CUX2: variants seen among roughly 807,000 people sequenced by gnomAD.
CUX2 encodes cut like homeobox 2.
Under a neutral mutation model 144.8 loss-of-function variants are expected in CUX2, and 40 were observed. That is an observed-to-expected ratio of 0.28 (90% confidence interval 0.21 to 0.36). The LOEUF is 0.36. CUX2 is among the 10% of genes least tolerant of loss of function. The probability of loss-of-function intolerance (pLI) is 1.00; values close to 1 mark genes in which losing one functional copy is unlikely to be tolerated. For missense variants in CUX2, 1,615 were observed against 1,994.0 expected, an observed-to-expected ratio of 0.81 and a Z score of 3.62; for synonymous variants, 827 against 875.6, an observed-to-expected ratio of 0.94 and a Z score of 0.98.
intron 20 of CUX2, 67 bp downstream of exon 20, chr12:111,338,541 T>C: frequency 6.8e-7 from 1 of 1,474,652 alleles, no homozygotes; most frequent in Non-Finnish European, 9.2e-7. Flanking sequence ...CATATCTAGC[T>C]GTAACCCACA....
At chr12:111,332,385 G>T (rs1888160722) in intron 18 of CUX2, among the ~76,000 whole-genome samples, 1 of 151,886 alleles carries the variant, frequency 6.6e-6, no homozygotes, top group African/African-American at 2.4e-5. Context: ...CTCCCACCTT[G>T]GCCTCCCAAA....
At chr12:111,334,856 GC>G in intron 19 of CUX2, 146 bp downstream of exon 19, 1 of 910,524 alleles carries the variant, frequency 1.1e-6, no homozygotes, top group Non-Finnish European at 1.6e-6. Flanking sequence ...ATCGCTTGAG[GC>G]CAGGAGTTTG....
intron 1 of CUX2, among the ~76,000 whole-genome samples, chr12:111,047,167 G>A (rs1870037721): frequency 6.6e-6 from 1 of 152,238 alleles, no homozygotes; most frequent in South Asian, 2.1e-4. Flanking sequence ...GGCGCGCCCT[G>A]TCGTCCGGCC....
intron 4 of CUX2, among the ~76,000 whole-genome samples, chr12:111,286,309 A>G (rs1347767508): frequency 1.3e-5 from 2 of 152,200 alleles, no homozygotes; most frequent in East Asian, 3.9e-4. Context: ...CACCCTACAC[A>G]TGCACCCCCA....
chr12:111,216,228 A>G (rs1289123644), intron 2 of CUX2, among the ~76,000 whole-genome samples: 1 of 152,228 alleles, frequency 6.6e-6, no homozygotes, highest in Non-Finnish European at 1.5e-5. Flanking sequence ...TGGGGAGTCC[A>G]GTGACCTGGG....
chr12:111,124,692 C>G (rs770423716), intron 1 of CUX2, among the ~76,000 whole-genome samples: 1 of 152,048 alleles, frequency 6.6e-6, no homozygotes, highest in Non-Finnish European at 1.5e-5. Context: ...GGTTTGTTAC[C>G]TGCTTATCTT....
rs569911014 is a variant in CUX2 at position 111,293,301 on chromosome 12, G to A, written c.437-145G>A. 9.9e-5 allele frequency: 123 copies of A among 1,243,206 alleles called. No homozygotes were observed. The highest frequency in any genetic ancestry group is 1.1e-4 in the Non-Finnish European group (106 of 922,998). The allele number at this position is 1,243,206 out of a possible 1,614,324, so 77.0% of individuals were successfully genotyped here. A position where few individuals can be genotyped will look rare whatever the true frequency, so the allele number is the denominator to read the frequency against. On this transcript the variant is annotated intron_variant, in intron 5 of 21. Transcript: ENST00000261726. The surrounding 1 kb of genome is among the most constrained non-coding windows in gnomAD (Gnocchi z 4.5). The stretch of plus-strand genomic sequence containing the variant: ...CCTGTGTGCTGAGGACATGCGGCCC[G>A]CAGGGCCCCACAGCTGCGCTCTCTC...
chr12:111,055,272 ATGTCAGAGTCCCAGAGGCCACCG>A (rs1414854888), intron 1 of CUX2, among the ~76,000 whole-genome samples: 1 of 152,208 alleles, frequency 6.6e-6, no homozygotes, highest in Non-Finnish European at 1.5e-5. Context: ...AGCATCAGGG[ATGTCAGAGTCCCAGAGGCCACCG>A]TCAGAGCTGG....
At chr12:111,275,746 C>T (rs1884843036) in intron 4 of CUX2, among the ~76,000 whole-genome samples, 2 of 152,160 alleles carry the variant, frequency 1.3e-5, no homozygotes, top group Non-Finnish European at 1.5e-5. Flanking sequence ...GAACACATTG[C>T]AGGATGTGCG....
chr12:111,121,114 A>C (rs868292583), intron 1 of CUX2, among the ~76,000 whole-genome samples: 3,394 of 151,566 alleles, frequency 0.022, 128 homozygotes, highest in African/African-American at 0.078. Context: ...AAAAAAAAAA[A>C]AAAAACAACC....
chr12:111,057,525 C>T lies in CUX2; in HGVS notation c.63+23285C>T, dbSNP rs1870582436. The stretch of plus-strand genomic sequence containing the variant: ...CTTGAGGGCCTCAGGGTGACCAGGC[C>T]GATTCCAACGTGGGGACCCAGACCT... On this transcript the variant is annotated intron_variant, in intron 1 of 21. Transcript: ENST00000261726. The surrounding 1 kb of genome is among the most constrained non-coding windows in gnomAD (Gnocchi z 5.1). Among the ~76,000 whole-genome samples, 1 of 152,078 alleles carries T rather than the reference C, an allele frequency of 6.6e-6. No individual in the cohort carries two copies. Among genetic ancestry groups the T allele is most frequent in the Non-Finnish European group, 1.5e-5 (1 of 68,018 alleles).
At chr12:111,230,789 A>G (rs1051491804) in intron 3 of CUX2, among the ~76,000 whole-genome samples, 3 of 152,126 alleles carry the variant, frequency 2.0e-5, no homozygotes, top group African/African-American at 7.2e-5. Context: ...GGCTGGGAGG[A>G]GCCCTGATCT....
chr12:111,202,810 G>C (rs1350821308), intron 1 of CUX2, among the ~76,000 whole-genome samples: 1 of 152,134 alleles, frequency 6.6e-6, no homozygotes, highest in Non-Finnish European at 1.5e-5. Context: ...GGTGCTTACT[G>C]TTTTAAATAG....
At position 111,320,101 on chromosome 12, in the gene CUX2, G is replaced by C; in HGVS notation, c.2092G>C (p.Glu698Gln). The C allele has an allele frequency of 6.4e-7, 1 of 1,558,662 alleles. No homozygotes were observed. The highest frequency in any genetic ancestry group is 8.7e-7 in the Non-Finnish European group (1 of 1,155,494). The stretch of plus-strand genomic sequence containing the variant: ...GGAGGACGCCATCAAGAGCATCCTG[G>C]AGCAGGCACGCCGTGAGATGCAGGC... Reference protein sequence around the residue: ...TSEDAIKSILEQARREMQAQQ... With the variant: ...TSEDAIKSILQQARREMQAQQ... The change falls in exon 17 of 22, where the codon GAG (glutamate) becomes CAG (glutamine). Residue 698 changes from glutamate (E) to glutamine (Q), a missense_variant. Physicochemically the swap from Glu to Gln is conservative, Grantham distance 29 (BLOSUM62 2). Around this residue, in one of 12 missense-constraint regions of CUX2, gnomAD observed 390 missense variants for 387.1 expected, o/e 1.01. Transcript: ENST00000261726. This position sits in a 1 kb window ranked among gnomAD's most constrained non-coding sequence, Gnocchi z 8.1.
rs1026548098 is a variant in CUX2, at chr12:111,134,620, C to CTCTCTGTGTGTGTGTGTG, written c.64-79579_64-79578insCTCTGTGTGTGTGTGTGT. On this transcript the variant is annotated intron_variant, in intron 1 of 21. Transcript: ENST00000261726. ...TCTCTCTCTCTCTCTCTCTCTCTCT[C>CTCTCTGTGTGTGTGTGTG]TGTGTGTGTGTGTGTGTGTGTGTGT... Among the ~76,000 whole-genome samples the CTCTCTGTGTGTGTGTGTG allele has an allele frequency of 5.2e-3, 740 of 142,138 alleles. 9 individuals carry two copies. Among genetic ancestry groups the CTCTCTGTGTGTGTGTGTG allele is most frequent in the African/African-American group, 0.019 (677 of 36,050 alleles). The allele number at this position is 142,138 out of a possible 152,430, so 93.2% of individuals were successfully genotyped here.
chr12:111,328,939 C>CTA lies in CUX2; in HGVS notation c.2927-5500_2927-5499dup, dbSNP rs1252809702. On this transcript the variant is annotated intron_variant, in intron 18 of 21. Transcript: ENST00000261726. ...CTCACTCTGCATTTTTTTGATTCAC[C>CTA]TATCTCTCTCTCTCTCTCTCTCTCT... is the stretch of plus-strand genomic sequence containing the variant. Among the ~76,000 whole-genome samples the CTA allele has an allele frequency of 3.0e-5, 3 of 98,992 alleles. No homozygotes were observed. In the East Asian group the frequency reaches 8.4e-4, roughly 28 times the overall value. 64.9% of individuals were successfully genotyped at this position (98,992 alleles called of 152,430 possible). A position where few individuals can be genotyped will look rare whatever the true frequency, so the allele number is the denominator to read the frequency against.
intron 1 of CUX2, among the ~76,000 whole-genome samples, chr12:111,183,664 C>G (rs1234524230): frequency 6.6e-6 from 1 of 152,232 alleles, no homozygotes; most frequent in Non-Finnish European, 1.5e-5. Flanking sequence ...CGTCACTTCT[C>G]CATCCTGCAG....
intron 21 of CUX2, among the ~76,000 whole-genome samples, chr12:111,344,228 CA>C (rs1461912014): frequency 6.6e-6 from 1 of 152,120 alleles, no homozygotes; most frequent in African/African-American, 2.4e-5. Flanking sequence ...CGTTATTATC[CA>C]ACATATTCAT....
At chr12:111,107,934 A>G (rs183521427) in intron 1 of CUX2, among the ~76,000 whole-genome samples, 7 of 152,320 alleles carry the variant, frequency 4.6e-5, no homozygotes, top group Admixed American at 2.0e-4. Flanking sequence ...CTGAAACACC[A>G]TTACATAATG....
Sources: allele counts gnomAD v4.1 joint callset (sites outside exome capture counted in the v4.1 genomes callset), GRCh38; gene constraint gnomAD v4.1.1; regional missense constraint gnomAD v4.1.1; non-coding constraint Gnocchi (gnomAD v3.1); transcripts MANE v1.5; gene names NCBI Gene and HGNC (gene_info 2026-07-23, HGNC 2026-07-21).